The following GSTP1 variants were observed in gnomAD, a reference collection of about 807,000 sequenced individuals.
The protein encoded by GSTP1 is glutathione S-transferase pi 1.
In GSTP1, 28 loss-of-function variants were observed where a neutral mutation model predicts 29.4. The ratio of observed to expected loss-of-function variants is 0.95; its 90% confidence interval spans 0.71 to 1.30. The LOEUF (loss-of-function observed/expected upper bound fraction) is 1.30. Among genes scored for constraint, GSTP1 ranks in the 50% most tolerant of loss-of-function variants. GSTP1 has a pLI of 0.00. For synonymous variants in GSTP1, 122 were observed against 117.0 expected (o/e 1.04, Z -0.28); for missense variants, 267 against 266.1 (o/e 1.00, Z -0.02).
Position 67,585,168 on chromosome 11 carries a change from C to A in GSTP1, c.263C>A (p.Ala88Asp), listed in dbSNP as rs1404000028. 7 of 1,613,256 alleles carry A rather than the reference C, an allele frequency of 4.3e-6. No individual in the cohort carries two copies. Residue 88 changes from alanine (A) to aspartate (D), a missense_variant, in exon 5 of 7, where the codon GCC becomes GAC. Physicochemically the swap from Ala to Asp is moderately radical, Grantham distance 126. Coordinates refer to ENST00000398606, the MANE Select transcript of GSTP1 (RefSeq NM_000852.4). ...TATGGGAAGGACCAGCAGGAGGCAG[C>A]CCTGGTGGACATGGTGAATGACGGC... ...GLYGKDQQEA[A>D]LVDMVNDGVE... is the part of the protein sequence containing the mutation.
intron 6 of GSTP1, 77 bp from the exon 7 acceptor site, chr11:67,586,312 G>T (rs1233510837): frequency 1.0e-5 from 16 of 1,533,388 alleles, no homozygotes; most frequent in Non-Finnish European, 1.2e-5. Flanking sequence ...AGACCTAGGG[G>T]ATGGGCTTAG....
chr11:67,586,573 A>C lies in GSTP1; in HGVS notation c.629A>C (p.Gln210Pro). ...CTCCCCATCAATGGCAACGGGAAAC[A>C]GTGAGGGTTGGGGGGACTCTGAGCG... ...VNLPINGNGK[Q>P] Residue 210 changes from glutamine to proline, a missense_variant, in exon 7 of 7, where the codon CAG becomes CCG. Coordinates refer to ENST00000398606, the MANE Select transcript of GSTP1 (RefSeq NM_000852.4). The C allele has an allele frequency of 1.2e-6, 2 of 1,612,086 alleles. No homozygotes were observed. The highest frequency in any genetic ancestry group is 1.7e-6 in the Non-Finnish European group (2 of 1,178,694).
rs138374618 is a variant in GSTP1, at chr11:67,585,655, C to T, written c.336+414C>T. On this transcript the variant is annotated intron_variant, in intron 5 of 6. Transcript: ENST00000398606. ...GGACCTGGGACCAGTTCAGCAGAGG[C>T]AGCGTGTGTGCGCGTGCGTGTGCAT... 6.0e-3 allele frequency among the ~76,000 whole-genome samples: 869 copies of T among 145,200 alleles called. 7 individuals carry two copies. The highest frequency in any genetic ancestry group is 0.021 in the African/African-American group (822 of 38,706).
intron 2 of GSTP1, 101 bp downstream of exon 2, chr11:67,584,270 C>T: frequency 2.1e-6 from 2 of 958,834 alleles, no homozygotes; most frequent in Non-Finnish European, 1.6e-6. Flanking sequence ...ATCCCTCCGT[C>T]GTGTGGCTTT....
chr11:67,583,910 A>G (rs1020845486), intron 1 of GSTP1, 66 bp downstream of exon 1: 23 of 691,964 alleles, frequency 3.3e-5, no homozygotes, highest in Admixed American at 2.4e-4. Flanking sequence ...GCCAACCCGC[A>G]GCATCAGGCC....
intron 1 of GSTP1, 105 bp from the exon 2 acceptor site, chr11:67,584,029 C>T: frequency 1.3e-6 from 1 of 794,666 alleles, no homozygotes; most frequent in South Asian, 1.5e-5. Flanking sequence ...CGGAGCGCCT[C>T]GGGGAGGGAT....
At chr11:67,584,064 G>GA in intron 1 of GSTP1, 70 bp from the exon 2 acceptor site, 5 of 1,301,868 alleles carry the variant, frequency 3.8e-6, no homozygotes, top group South Asian at 1.2e-5. Flanking sequence ...GGGGAGGGGG[G>GA]GCAGACTGCG....
Position 67,585,190 on chromosome 11 carries a change from CG to C in GSTP1, c.287del (p.Gly96AlafsTer25). On this transcript the variant is annotated frameshift_variant, in exon 5 of 7. Coordinates refer to ENST00000398606, the MANE Select transcript of GSTP1 (RefSeq NM_000852.4). LOFTEE classifies it high-confidence loss of function. ...CAGCCCTGGTGGACATGGTGAATGA[CG>C]GCGTGGAGGACCTCCGCTGCAAATA... ...EAALVDMVND[G>X]VEDLRCKYIS... is the part of the protein sequence containing the mutation. 1 of 1,613,668 alleles carries C rather than the reference CG, an allele frequency of 6.2e-7. No homozygotes were observed. The highest frequency in any genetic ancestry group is 8.5e-7 in the Non-Finnish European group (1 of 1,179,640).
rs777997068 is a variant in GSTP1 at position 67,584,755 on chromosome 11, A to G, written c.215A>G (p.His72Arg). 4 of 1,612,078 alleles carry G rather than the reference A, an allele frequency of 2.5e-6. No homozygotes were observed. The highest frequency in any genetic ancestry group is 3.4e-6 in the Non-Finnish European group (4 of 1,178,566). ...TACCAGTCCAATACCATCCTGCGTC[A>G]CCTGGGCCGCACCCTTGGTGAGTCT... Reference protein sequence around the residue: ...TLYQSNTILRHLGRTLGLYGK... With the variant: ...TLYQSNTILRRLGRTLGLYGK... The change falls in exon 4 of 7, where the codon CAC becomes CGC. Residue 72 changes from histidine (H) to arginine (R), a missense_variant. His to Arg is a conservative substitution (Grantham distance 29, BLOSUM62 0). Transcript: ENST00000398606.
In GSTP1 at chr11:67,586,588, G is replaced by C. The variant is rs1188508363; in HGVS notation, c.*11G>C. The C allele has an allele frequency of 6.2e-7, 1 of 1,601,932 alleles. No homozygotes were observed. Among genetic ancestry groups the C allele is most frequent in the Non-Finnish European group, 8.5e-7 (1 of 1,172,362 alleles). On this transcript the variant is annotated 3_prime_UTR_variant, in exon 7 of 7. Coordinates refer to ENST00000398606, the MANE Select transcript of GSTP1 (RefSeq NM_000852.4). ...AACGGGAAACAGTGAGGGTTGGGGG[G>C]ACTCTGAGCGGGAGGCAGAGTTTGC...
Position 67,585,782 on chromosome 11 carries a change from G to A in GSTP1, c.337-322G>A, listed in dbSNP as rs749174. Among the ~76,000 whole-genome samples the A allele has an allele frequency of 0.29, 44,413 of 151,906 alleles. 6,808 individuals carry two copies. The highest frequency in any genetic ancestry group is 0.35 in the Non-Finnish European group (23,579 of 67,932). The stretch of plus-strand genomic sequence containing the variant: ...AGGTCCCGAAGGCCTTGAACCCACT[G>A]GTTTGGAGTCTCCTAAGGGCAATGG... On this transcript the variant is annotated intron_variant, in intron 5 of 6. Coordinates refer to ENST00000398606, the MANE Select transcript of GSTP1 (RefSeq NM_000852.4).
chr11:67,585,099 GCCCAGTCACGCGGCCTGCTCC>G lies in GSTP1; in HGVS notation c.233-36_233-16del. On this transcript the variant is annotated intron_variant, in intron 4 of 6. Transcript: ENST00000398606. ...CCCAGTGACTGTGTGTTGATCAGGC[GCCCAGTCACGCGGCCTGCTCC>G]CCTCCACCCAACCCCAGGGCTCTAT... The G allele has an allele frequency of 7.6e-7, 1 of 1,311,332 alleles. No homozygotes were observed. The highest frequency in any genetic ancestry group is 1.1e-6 in the Non-Finnish European group (1 of 910,034). The allele number at this position is 1,311,332 out of a possible 1,614,324, so 81.2% of individuals were successfully genotyped here.
chr11:67,585,678 CATGT>C (rs763108084), intron 5 of GSTP1, among the ~76,000 whole-genome samples: 71 of 123,028 alleles, frequency 5.8e-4, no homozygotes, highest in African/African-American at 9.2e-4. Flanking sequence ...CGTGCGTGTG[CATGT>C]GTGTGCGTGT....
intron 4 of GSTP1, 117 bp downstream of exon 4, chr11:67,584,889 G>A: frequency 3.6e-6 from 3 of 828,896 alleles, no homozygotes; most frequent in South Asian, 3.0e-5. Flanking sequence ...GAGACCCACT[G>A]AGGTTACGTA....
intron 5 of GSTP1, among the ~76,000 whole-genome samples, chr11:67,585,678 CATGTGT>C (rs1867456470): frequency 1.6e-5 from 2 of 122,940 alleles, no homozygotes; most frequent in African/African-American, 3.4e-5. Flanking sequence ...CGTGCGTGTG[CATGTGT>C]GTGCGTGTGT....
rs1013857583 is a variant in GSTP1 at position 67,586,653 on chromosome 11, A to G, written c.*76A>G. The G allele has an allele frequency of 7.9e-6, 10 of 1,265,500 alleles. No homozygotes were observed. The African/African-American group carries it at 1.0e-4, about 13-fold the overall frequency. 78.4% of individuals were successfully genotyped at this position (1,265,500 alleles called of 1,614,324 possible). On this transcript the variant is annotated 3_prime_UTR_variant, in exon 7 of 7. Transcript: ENST00000398606. ...GACCAATAAAATTTCTAAGAGAGCTACTATGAGCACTGTGTTTCCTGGGAC... is the reference window on the plus strand; with the variant it reads ...GACCAATAAAATTTCTAAGAGAGCTGCTATGAGCACTGTGTTTCCTGGGAC...
intron 5 of GSTP1, among the ~76,000 whole-genome samples, chr11:67,585,667 G>GCGTGCA (rs1452563011): frequency 6.6e-6 from 1 of 150,956 alleles, no homozygotes; most frequent in Non-Finnish European, 1.5e-5. Flanking sequence ...GCGTGTGTGC[G>GCGTGCA]CGTGCGTGTG....
chr11:67,584,245 G>A, intron 2 of GSTP1, 76 bp downstream of exon 2: 2 of 1,179,036 alleles, frequency 1.7e-6, no homozygotes, highest in Non-Finnish European at 2.5e-6. Context: ...CACCCGGAGA[G>A]ATCCGAACCC....
rs2134394137 is a variant in GSTP1, at chr11:67,585,126, A to G, written c.233-12A>G. 6.3e-7 allele frequency: 1 copy of G among 1,588,144 alleles called. No individual in the cohort carries two copies. Among genetic ancestry groups the G allele is most frequent in the African/African-American group, 1.3e-5 (1 of 74,468 alleles). ...CCAGTCACGCGGCCTGCTCCCCTCC[A>G]CCCAACCCCAGGGCTCTATGGGAAG... On this transcript the variant is annotated splice_polypyrimidine_tract_variant and intron_variant, in intron 4 of 6. Transcript: ENST00000398606.
Sources: gnomAD v4.1 joint callset for allele counts (sites outside exome capture counted in the v4.1 genomes callset) on GRCh38, gnomAD v4.1.1 for gene constraint, MANE v1.5 for transcripts, NCBI Gene and HGNC (gene_info 2026-07-23, HGNC 2026-07-21) for gene names.